The following NCKAP1 variants were observed in gnomAD, a reference collection of about 807,000 sequenced individuals.
NCKAP1 encodes the protein NCK associated protein 1.
NCKAP1 carries 21 observed loss-of-function variants against 151.2 expected under a neutral mutation model. The observed-to-expected ratio is 0.14, with a 90% CI of 0.10 to 0.20. NCKAP1 has a LOEUF of 0.20. Ranked by LOEUF, NCKAP1 falls within the 10% of genes least tolerant of loss-of-function variation. NCKAP1 has a pLI of 1.00. For missense variants in NCKAP1, 933 were observed against 1,352.1 expected, an observed-to-expected ratio of 0.69 and a Z score of 4.86; for synonymous variants, 484 against 451.8, an observed-to-expected ratio of 1.07 and a Z score of -0.90.
chr2:183,001,431 T>C (rs1201796820), intron 6 of NCKAP1, among the ~76,000 whole-genome samples: 1 of 152,214 alleles, frequency 6.6e-6, no homozygotes, highest in Admixed American at 6.5e-5. Context: ...AGATAGTCAT[T>C]TCAAATTATT....
chr2:182,972,957 G>A (rs1697730611), intron 15 of NCKAP1, among the ~76,000 whole-genome samples: 1 of 152,114 alleles, frequency 6.6e-6, no homozygotes, highest in African/African-American at 2.4e-5. Flanking sequence ...GTACAGTTAG[G>A]AGGAATAAGA....
rs879318735 is a variant in NCKAP1, at chr2:183,038,417, T to TGGCGGCGGC, written c.-327_-319dup. 332 of 206,418 alleles carry TGGCGGCGGC rather than the reference T, an allele frequency of 1.6e-3. 2 individuals carry two copies. The highest frequency in any genetic ancestry group is 4.0e-3 in the South Asian group (27 of 6,730). 12.8% of individuals were successfully genotyped at this position (206,418 alleles called of 1,614,324 possible). A position where few individuals can be genotyped will look rare whatever the true frequency, so the allele number is the denominator to read the frequency against. On this transcript the variant is annotated 5_prime_UTR_variant, in exon 1 of 31. Transcript: ENST00000361354. ...CCTTCCCCGGCTGCTCCACTAGGTGTGGCGGCGGCGGCGGCGGCGGCGGCG... is the reference window on the plus strand; with the variant it reads ...CCTTCCCCGGCTGCTCCACTAGGTGTGGCGGCGGCGGCGGCGGCGGCGGCGGCGGCGGCG...
chr2:183,009,453 A>AGGAC, intron 2 of NCKAP1, among the ~76,000 whole-genome samples: 1 of 144,706 alleles, frequency 6.9e-6, no homozygotes, highest in African/African-American at 2.6e-5. Context: ...GAAGGAAGGA[A>AGGAC]GGAAGGAAGG....
At chr2:183,031,420 T>A (rs1405025752) in intron 1 of NCKAP1, among the ~76,000 whole-genome samples, 1 of 152,188 alleles carries the variant, frequency 6.6e-6, no homozygotes, top group Non-Finnish European at 1.5e-5. Flanking sequence ...AAAAAGAAAT[T>A]GTTATTTAAA....
At chr2:182,982,608 A>T (rs922127678) in intron 12 of NCKAP1, among the ~76,000 whole-genome samples, 15 of 152,200 alleles carry the variant, frequency 9.9e-5, no homozygotes, top group South Asian at 6.2e-4. Context: ...ATGTTGCCAG[A>T]TAATTTTGCC....
chr2:183,015,622 G>A (rs1698669259), intron 2 of NCKAP1, among the ~76,000 whole-genome samples: 1 of 151,970 alleles, frequency 6.6e-6, no homozygotes, highest in Non-Finnish European at 1.5e-5. Flanking sequence ...GTAAATGACA[G>A]AATTTAGGAA....
intron 15 of NCKAP1, among the ~76,000 whole-genome samples, chr2:182,974,453 T>G (rs1697764373): frequency 6.6e-6 from 1 of 151,972 alleles, no homozygotes; most frequent in African/African-American, 2.4e-5. Flanking sequence ...GCTAAGCACA[T>G]AAAAATGAGG....
At chr2:182,937,631 A>G (rs1696905052) in intron 24 of NCKAP1, among the ~76,000 whole-genome samples, 1 of 152,228 alleles carries the variant, frequency 6.6e-6, no homozygotes, top group South Asian at 2.1e-4. Flanking sequence ...CTATTTAAAA[A>G]TGACTCTTCC....
rs374388702 is a variant in NCKAP1 at position 182,948,302 on chromosome 2, G to A, written c.2601+4103C>T. On this transcript the variant is annotated intron_variant, in intron 23 of 30. Transcript: ENST00000361354. Reference sequence around the variant, plus strand: ...GTCAAGTAAGAAAAGAATCACATAGGAGATTACTAGAAAGCTAACATCAAA... The same window carrying A: ...GTCAAGTAAGAAAAGAATCACATAGAAGATTACTAGAAAGCTAACATCAAA... 4.6e-5 allele frequency among the ~76,000 whole-genome samples: 7 copies of A among 151,858 alleles called. No individual in the cohort carries two copies. In the East Asian group the frequency reaches 1.3e-3, roughly 29 times the overall value.
rs540737695 is a variant in NCKAP1 at position 183,029,126 on chromosome 2, C to CA, written c.109-5211dup. On this transcript the variant is annotated intron_variant, in intron 1 of 30. Coordinates refer to ENST00000361354, the MANE Select transcript of NCKAP1 (RefSeq NM_013436.5). Reference sequence around the variant, plus strand: ...GAGTGAAACTCTGTCTCAAAAGAAACAAAAAAAAAACTATAGGTCAGTAGT... The same window carrying CA: ...GAGTGAAACTCTGTCTCAAAAGAAACAAAAAAAAAAACTATAGGTCAGTAGT... Among the ~76,000 whole-genome samples, 455 of 145,036 alleles carry CA rather than the reference C, an allele frequency of 3.1e-3. 2 individuals carry two copies. Among genetic ancestry groups the CA allele is most frequent in the African/African-American group, 7.0e-3 (279 of 39,694 alleles).
intron 2 of NCKAP1, among the ~76,000 whole-genome samples, chr2:183,004,277 G>A (rs1698425484): frequency 6.6e-6 from 1 of 151,916 alleles, no homozygotes; most frequent in Non-Finnish European, 1.5e-5. Flanking sequence ...AATATAAGTG[G>A]CTCAAAATAG....
At chr2:182,964,653 T>C in intron 17 of NCKAP1, 23 bp downstream of exon 17, 1 of 1,541,906 alleles carries the variant, frequency 6.5e-7, no homozygotes, top group Non-Finnish European at 8.7e-7. Flanking sequence ...ACCATATAAC[T>C]CACAGTAGTA....
chr2:182,934,446 C>T (rs764047369), intron 26 of NCKAP1: 47 of 169,034 alleles, frequency 2.8e-4, no homozygotes, highest in Non-Finnish European at 4.8e-4. Context: ...CGTGCCTGGC[C>T]ACCTCATCTT....
intron 2 of NCKAP1, among the ~76,000 whole-genome samples, chr2:183,022,650 C>A (rs1698817267): frequency 6.6e-6 from 1 of 152,070 alleles, no homozygotes; most frequent in Non-Finnish European, 1.5e-5. Flanking sequence ...GAAACCTCTA[C>A]TAACCTGTAC....
At position 183,002,176 on chromosome 2, in the gene NCKAP1, C is replaced by G; in HGVS notation, c.463G>C (p.Ala155Pro). 6.2e-7 allele frequency: 1 copy of G among 1,611,442 alleles called. No homozygotes were observed. The highest frequency in any genetic ancestry group is 1.1e-5 in the South Asian group (1 of 90,984). Residue 155 changes from alanine (A) to proline (P), a missense_variant, in exon 5 of 31, where the codon GCA (alanine) becomes CCA (proline). Physicochemically the swap from Ala to Pro is conservative, Grantham distance 27. Coordinates refer to ENST00000361354, the MANE Select transcript of NCKAP1 (RefSeq NM_013436.5). ...ILLSRIEERK[A>P]IIGLYNYAHE... ...GCATAGTTGTATAATCCAATGATTGCCTTCCTTTCTTCAATTCGAGACAGC... is the reference window on the plus strand; with the variant it reads ...GCATAGTTGTATAATCCAATGATTGGCTTCCTTTCTTCAATTCGAGACAGC...
chr2:182,929,655 C>A (rs959190659), intron 27 of NCKAP1, among the ~76,000 whole-genome samples: 19 of 150,788 alleles, frequency 1.3e-4, no homozygotes, highest in Non-Finnish European at 2.2e-4. Flanking sequence ...AAGATTTGGT[C>A]GACTACAAAA....
In NCKAP1 at chr2:182,928,205, C is replaced by G; in HGVS notation, c.3092G>C (p.Cys1031Ser). 1 of 1,612,086 alleles carries G rather than the reference C, an allele frequency of 6.2e-7. No homozygotes were observed. The highest frequency in any genetic ancestry group is 1.1e-5 in the South Asian group (1 of 90,802). The stretch of plus-strand genomic sequence containing the variant: ...AATCTGGTTGATGGCTTTGGCCAAG[C>G]AATGTATGTTGTTGCAATGCCCTGA... ...AIEGHCNNIHCLAKAINQIAA... is the reference protein window; with the variant it reads ...AIEGHCNNIHSLAKAINQIAA... Residue 1031 changes from cysteine (C) to serine (S), a missense_variant, in exon 29 of 31, where the codon TGC (cysteine) becomes TCC (serine). Cys to Ser is a moderately radical substitution (Grantham distance 112). Coordinates refer to ENST00000361354, the MANE Select transcript of NCKAP1 (RefSeq NM_013436.5).
intron 16 of NCKAP1, 81 bp from the exon 17 acceptor site, chr2:182,964,889 C>A: frequency 9.1e-7 from 1 of 1,100,844 alleles, no homozygotes; most frequent in Non-Finnish European, 1.3e-6. Context: ...TAATTTGATT[C>A]AAGTGAATGA....
Position 182,928,837 on chromosome 2 carries a change from A to G in NCKAP1, c.3016T>C (p.Ser1006Pro), listed in dbSNP as rs1371368372. 1 of 1,612,492 alleles carries G rather than the reference A, an allele frequency of 6.2e-7. No homozygotes were observed. The highest frequency in any genetic ancestry group is 1.7e-5 in the Admixed American group (1 of 59,910). The change falls in exon 28 of 31, where the codon TCT becomes CCT. Residue 1006 changes from serine (S) to proline (P), a missense_variant. By Grantham distance (74) the Ser-to-Pro change is moderately conservative (BLOSUM62 -1). Coordinates refer to ENST00000361354, the MANE Select transcript of NCKAP1 (RefSeq NM_013436.5). ...ACLLMVFVAV[S>P]LPTLASNVMS... ...ACATTACTGGCCAGTGTTGGCAAAGAAACTGCCACAAACACCATGAGAAGG... is the reference window on the plus strand; with the variant it reads ...ACATTACTGGCCAGTGTTGGCAAAGGAACTGCCACAAACACCATGAGAAGG...
Sources: gnomAD v4.1 joint callset for allele counts (sites outside exome capture counted in the v4.1 genomes callset) on GRCh38, gnomAD v4.1.1 for gene constraint, MANE v1.5 for transcripts, NCBI Gene and HGNC (gene_info 2026-07-23, HGNC 2026-07-21) for gene names.